DACH2: variants seen among roughly 807,000 people sequenced by gnomAD.
The protein encoded by DACH2 is dachshund family transcription factor 2.
A neutral mutation model predicts 35.8 loss-of-function variants in DACH2; 17 were observed. The ratio of observed to expected loss-of-function variants is 0.48; its 90% confidence interval spans 0.33 to 0.71. The LOEUF is 0.71. DACH2 is among the 30% of genes least tolerant of loss of function. The probability of loss-of-function intolerance (pLI) is 0.02; values close to 1 mark genes in which losing one functional copy is unlikely to be tolerated. For missense variants in DACH2, 469 were observed against 472.7 expected (o/e 0.99, Z 0.07); for synonymous variants, 195 against 177.3 (o/e 1.10, Z -0.79).
intron 2 of DACH2, among the ~76,000 whole-genome samples, chrX:86,483,223 C>A (rs1245517605): frequency 9.1e-6 from 1 of 109,433 alleles, no homozygotes; most frequent in East Asian, 2.9e-4. Context: ...TTGGTCCAAG[C>A]AGCATCTTTA....
At chrX:86,205,168 C>A (rs1205125084) in intron 1 of DACH2, among the ~76,000 whole-genome samples, 1 of 111,052 alleles carries the variant, frequency 9.0e-6, no homozygotes, top group Non-Finnish European at 1.9e-5. Context: ...GAAATAATGT[C>A]TATTTTATGG....
chrX:86,286,921 T>C (rs1433012714), intron 1 of DACH2, among the ~76,000 whole-genome samples: 6 of 112,129 alleles, frequency 5.4e-5, no homozygotes, highest in Non-Finnish European at 1.1e-4. Flanking sequence ...ACAGTTACTG[T>C]GTCGTAATAT....
intron 5 of DACH2, among the ~76,000 whole-genome samples, chrX:86,712,294 T>A (rs2041287953): frequency 1.8e-5 from 2 of 111,429 alleles, no homozygotes; most frequent in South Asian, 3.7e-4. Context: ...TATATGATAA[T>A]TTCAGTATAA....
chrX:86,684,218 C>T (rs1025727786), intron 4 of DACH2, among the ~76,000 whole-genome samples: 1 of 111,809 alleles, frequency 8.9e-6, no homozygotes, highest in Middle Eastern at 4.2e-3. Flanking sequence ...ATTCTGTTGT[C>T]TAGAGACTGC....
intron 1 of DACH2, among the ~76,000 whole-genome samples, chrX:86,212,845 A>G (rs1165033874): frequency 9.0e-6 from 1 of 111,386 alleles, no homozygotes; most frequent in African/African-American, 3.3e-5. Flanking sequence ...TAAAGGATCA[A>G]ATGGTTAAAA....
rs781621501 is a variant in DACH2, at chrX:86,386,135, T to G, written c.527+9273T>G. ...TCACACTTTATTTAATCCGCGGGTC[T>G]CTTAAAGCTCCTCTCAGCTGTAACG... On this transcript the variant is annotated intron_variant, in intron 2 of 11. Transcript: ENST00000373125. 4.5e-5 allele frequency among the ~76,000 whole-genome samples: 5 copies of G among 111,750 alleles called. No homozygotes were observed. In the South Asian group the frequency reaches 1.9e-3, roughly 42 times the overall value.
At chrX:86,761,108 A>G (rs1439828047) in intron 7 of DACH2, among the ~76,000 whole-genome samples, 4 of 111,254 alleles carry the variant, frequency 3.6e-5, no homozygotes, top group Non-Finnish European at 7.5e-5. Context: ...TACATGTGCC[A>G]TGGTGGTTTG....
intron 1 of DACH2, among the ~76,000 whole-genome samples, chrX:86,246,616 G>A (rs2033289765): frequency 8.9e-6 from 1 of 112,154 alleles, no homozygotes; most frequent in African/African-American, 3.2e-5. Flanking sequence ...ACAAGTAAAT[G>A]CTAAAATAAT....
intron 4 of DACH2, among the ~76,000 whole-genome samples, chrX:86,676,644 G>A (rs1481137980): frequency 2.7e-5 from 3 of 111,547 alleles, no homozygotes; most frequent in African/African-American, 9.8e-5. Flanking sequence ...GCTACTATAT[G>A]ACACAGCTCA....
intron 5 of DACH2, among the ~76,000 whole-genome samples, chrX:86,707,850 G>A: frequency 1.1e-5 from 1 of 89,989 alleles, no homozygotes; most frequent in Non-Finnish European, 2.1e-5. Flanking sequence ...GGGAGGTGGA[G>A]GTTGCAGTGA....
intron 1 of DACH2, among the ~76,000 whole-genome samples, chrX:86,358,878 G>A (rs747594742): frequency 5.9e-4 from 66 of 111,685 alleles, no homozygotes; most frequent in African/African-American, 2.0e-3. Context: ...TGAATTTGGA[G>A]GGAACCTTGA....
chrX:86,283,873 C>T (rs997013482), intron 1 of DACH2, among the ~76,000 whole-genome samples: 7 of 103,503 alleles, frequency 6.8e-5, no homozygotes, highest in South Asian at 4.1e-4. Flanking sequence ...AAAGTATATA[C>T]ACACACACAC....
intron 3 of DACH2, among the ~76,000 whole-genome samples, chrX:86,591,541 AT>A (rs566345938): frequency 9.3e-4 from 87 of 93,133 alleles, no homozygotes; most frequent in Non-Finnish European, 1.1e-3. Flanking sequence ...TTCTTTGGCT[AT>A]TTTTTTTTTT....
chrX:86,476,984 GTTTTA>G (rs1411341566), intron 2 of DACH2, among the ~76,000 whole-genome samples: 3 of 110,694 alleles, frequency 2.7e-5, no homozygotes, highest in Admixed American at 9.7e-5. Flanking sequence ...TTGATTTCTA[GTTTTA>G]TTTCATTGTG....
At chrX:86,286,145 G>A (rs1461365660) in intron 1 of DACH2, among the ~76,000 whole-genome samples, 1 of 2,304 alleles carries the variant, frequency 4.3e-4, no homozygotes, top group Non-Finnish European at 1.1e-3. Context: ...TTTTTGAGAC[G>A]GATCTCGCTC....
chrX:86,637,206 CAAAAAAAAAAAAAAAAAAAAAAA>C (rs772970002), intron 3 of DACH2, among the ~76,000 whole-genome samples: 13 of 7,756 alleles, frequency 1.7e-3, no homozygotes, highest in Non-Finnish European at 2.8e-3. Context: ...ACTGAAAAGC[CAAAAAAAAAAAAAAAAAAAAAAA>C]AAAAAAAAAA....
intron 8 of DACH2, 55 bp downstream of exon 8, chrX:86,813,059 A>T: frequency 2.6e-6 from 3 of 1,142,907 alleles, no homozygotes; most frequent in Non-Finnish European, 3.5e-6. Context: ...TAGCACCTAC[A>T]TATATTATTT....
At chrX:86,160,482 C>T in intron 1 of DACH2, 1 of 534,281 alleles carries the variant, frequency 1.9e-6, no homozygotes, top group Admixed American at 2.4e-5. Context: ...GAACGGTGAT[C>T]AATCTTTTCC....
intron 1 of DACH2, among the ~76,000 whole-genome samples, chrX:86,238,311 G>A (rs972949303): frequency 1.8e-5 from 2 of 111,541 alleles, no homozygotes; most frequent in African/African-American, 6.5e-5. Context: ...TTAAATAGTG[G>A]CATTGTTCTT....
Sources: allele counts gnomAD v4.1 joint callset (sites outside exome capture counted in the v4.1 genomes callset), GRCh38; gene constraint gnomAD v4.1.1; transcripts MANE v1.5; gene names NCBI Gene and HGNC (gene_info 2026-07-23, HGNC 2026-07-21).